The following CDC42BPA variants were observed in gnomAD, a reference collection of about 807,000 sequenced individuals.
The protein encoded by CDC42BPA is serine/threonine-protein kinase MRCK alpha.
In CDC42BPA, 80 loss-of-function variants were observed where a neutral mutation model predicts 223.5. The observed-to-expected ratio is 0.36, with a 90% confidence interval of 0.30 to 0.43. The LOEUF is 0.43. Among genes scored for constraint, CDC42BPA ranks in the 20% least tolerant of loss-of-function variants. The probability of loss-of-function intolerance (pLI) is 1.00; values close to 1 mark genes in which losing one functional copy is unlikely to be tolerated. For missense variants in CDC42BPA, 1,743 were observed against 2,099.9 expected (o/e 0.83, Z 3.32); for synonymous variants, 694 against 718.6 (o/e 0.97, Z 0.55).
In CDC42BPA at chr1:227,040,184, T is replaced by C. The variant is rs2148756184; in HGVS notation, c.3146A>G (p.His1049Arg). ...VKSFTTPTKC[H>R]QCTSLMVGLI... ...ACCCACCATCAAGGAGGTACACTGA[T>C]GACACTTGGTAGGAGTAGTAAAAGA... Residue 1049 changes from histidine (H) to arginine (R), a missense_variant, in exon 24 of 37, where the codon CAT becomes CGT. His to Arg is a conservative substitution (Grantham distance 29). Coordinates refer to ENST00000366766, the MANE Select transcript of CDC42BPA (RefSeq NM_001394014.1). The C allele has an allele frequency of 6.2e-7, 1 of 1,613,422 alleles. No homozygotes were observed.
intron 1 of CDC42BPA, among the ~76,000 whole-genome samples, chr1:227,307,453 T>C (rs1284906572): frequency 6.6e-6 from 1 of 152,184 alleles, no homozygotes; most frequent in Non-Finnish European, 1.5e-5. Context: ...TCCCAAACTC[T>C]GTCAGCTGTT....
At chr1:227,123,854 A>C (rs781646137) in intron 11 of CDC42BPA, among the ~76,000 whole-genome samples, 2 of 152,066 alleles carry the variant, frequency 1.3e-5, no homozygotes, top group Non-Finnish European at 2.9e-5. Flanking sequence ...AGAGAGAGAG[A>C]GAGTGTGTGT....
intron 1 of CDC42BPA, among the ~76,000 whole-genome samples, chr1:227,264,137 T>C (rs1177226641): frequency 3.9e-5 from 6 of 152,264 alleles, no homozygotes; most frequent in Admixed American, 6.5e-5. Context: ...CACAGGTTTA[T>C]AGACTTTTGC....
rs1048349444 is a variant in CDC42BPA at position 227,273,870 on chromosome 1, A to C, written c.179-19715T>G. Among the ~76,000 whole-genome samples, 280 of 151,552 alleles carry C rather than the reference A, an allele frequency of 1.8e-3. 3 individuals carry two copies. The highest frequency in any genetic ancestry group is 5.8e-3 in the African/African-American group (241 of 41,360). ...GGAAGAAACAAGGAAAAAAAAAAAAAAAACACAAATAACCCAAAGCTCTTG... is the reference window on the plus strand; with the variant it reads ...GGAAGAAACAAGGAAAAAAAAAAAACAAACACAAATAACCCAAAGCTCTTG... On this transcript the variant is annotated intron_variant, in intron 1 of 36. Transcript: ENST00000366766.
intron 1 of CDC42BPA, among the ~76,000 whole-genome samples, chr1:227,276,135 G>A (rs1193239499): frequency 2.0e-5 from 3 of 151,706 alleles, no homozygotes; most frequent in Non-Finnish European, 4.4e-5. Context: ...CTTCCCGGCC[G>A]CCATCACGTC....
chr1:227,270,003 G>T (rs1685700034), intron 1 of CDC42BPA, among the ~76,000 whole-genome samples: 2 of 152,208 alleles, frequency 1.3e-5, no homozygotes, highest in African/African-American at 4.8e-5. Context: ...CTGTATGTTA[G>T]AATGAAAAAC....
Position 227,307,039 on chromosome 1 carries a change from T to C in CDC42BPA, c.178+9966A>G, listed in dbSNP as rs541810197. Among the ~76,000 whole-genome samples the C allele has an allele frequency of 1.1e-4, 16 of 152,148 alleles. No individual in the cohort carries two copies. The South Asian group carries it at 3.3e-3, about 32-fold the overall frequency. On this transcript the variant is annotated intron_variant, in intron 1 of 36. Transcript: ENST00000366766. ...TATTTCACAGCCATGACAATATCGA[T>C]CCCAAATTCTGTACCAATGGTTAGA...
In CDC42BPA at chr1:227,051,978, G is replaced by A. The variant is rs1375619787; in HGVS notation, c.2912C>T (p.Pro971Leu). 4.4e-6 allele frequency: 6 copies of A among 1,365,220 alleles called. No individual in the cohort carries two copies. Among genetic ancestry groups the A allele is most frequent in the African/African-American group, 3.0e-5 (2 of 67,670 alleles). 84.6% of individuals were successfully genotyped at this position (1,365,220 alleles called of 1,614,324 possible). A position where few individuals can be genotyped will look rare whatever the true frequency, so the allele number is the denominator to read the frequency against. The part of the protein sequence containing the change: ...TDALDQFETD[P>L]VENTYVWNPS... Reference sequence around the variant, plus strand: ...GTTCCATACATATGTGTTCTCAACGGGATCAGTCTAGGAAAATAAGTCGGG... The same window carrying A: ...GTTCCATACATATGTGTTCTCAACGAGATCAGTCTAGGAAAATAAGTCGGG... The change falls in exon 22 of 37, where the codon CCC (proline) becomes CTC (leucine). Residue 971 changes from proline (P) to leucine (L), a missense_variant. Physicochemically the swap from Pro to Leu is moderately conservative, Grantham distance 98. Transcript: ENST00000366766.
chr1:227,146,170 C>T (rs532604202), intron 7 of CDC42BPA, among the ~76,000 whole-genome samples: 5 of 152,102 alleles, frequency 3.3e-5, no homozygotes, highest in Admixed American at 2.6e-4. Flanking sequence ...ACTCATTTAA[C>T]CCTCAAAACA....
intron 1 of CDC42BPA, among the ~76,000 whole-genome samples, chr1:227,297,095 TA>T (rs1410880819): frequency 6.6e-6 from 1 of 152,186 alleles, no homozygotes; most frequent in Non-Finnish European, 1.5e-5. Context: ...AAAACTTTTC[TA>T]AAAATAGTCT....
intron 34 of CDC42BPA, among the ~76,000 whole-genome samples, chr1:227,012,080 C>G (rs1419242006): frequency 6.6e-6 from 1 of 152,150 alleles, no homozygotes; most frequent in Non-Finnish European, 1.5e-5. Context: ...TCAGTACCCT[C>G]TGAGGTTGTA....
At chr1:227,284,964 CAA>C (rs67192689) in intron 1 of CDC42BPA, among the ~76,000 whole-genome samples, 3 of 144,164 alleles carry the variant, frequency 2.1e-5, no homozygotes, top group Non-Finnish European at 1.5e-5. Context: ...CCCCATCTCA[CAA>C]AAAAAAAAAA....
At chr1:227,278,012 G>A (rs759442035) in intron 1 of CDC42BPA, among the ~76,000 whole-genome samples, 1 of 152,198 alleles carries the variant, frequency 6.6e-6, no homozygotes, top group Admixed American at 6.5e-5. Flanking sequence ...GCCTTCCTAA[G>A]TGCTGGGATT....
rs1376045749 is a variant in CDC42BPA at position 226,994,438 on chromosome 1, G to C, written c.5134-39C>G. ...AGTAAAACATTAATGAGAAGGAGGG[G>C]GAGAAAGGGAGGCAGAAGGGGCTCA... On this transcript the variant is annotated intron_variant, in intron 36 of 36. Coordinates refer to ENST00000366766, the MANE Select transcript of CDC42BPA (RefSeq NM_001394014.1). The surrounding 1 kb of genome is among the most constrained non-coding windows in gnomAD (Gnocchi z 4.0). 2 of 1,456,518 alleles carry C rather than the reference G, an allele frequency of 1.4e-6. No homozygotes were observed. The highest frequency in any genetic ancestry group is 2.9e-5 in the South Asian group (2 of 68,998). 90.2% of individuals were successfully genotyped at this position (1,456,518 alleles called of 1,614,324 possible).
At chr1:226,997,784 GTTCTAA>G (rs1455400196) in intron 35 of CDC42BPA, among the ~76,000 whole-genome samples, 1 of 152,138 alleles carries the variant, frequency 6.6e-6, no homozygotes, top group African/African-American at 2.4e-5. Context: ...TTAATCCTGA[GTTCTAA>G]TTTGATTGCA....
chr1:227,087,390 C>CCTCAT (rs150846213), intron 16 of CDC42BPA, among the ~76,000 whole-genome samples: 2 of 151,762 alleles, frequency 1.3e-5, no homozygotes, highest in Admixed American at 6.6e-5. Context: ...TTTTTGGACT[C>CCTCAT]TTCGTTTCAT....
chr1:227,185,668 G>A (rs964729124), intron 5 of CDC42BPA, among the ~76,000 whole-genome samples: 5 of 152,042 alleles, frequency 3.3e-5, no homozygotes, highest in African/African-American at 9.7e-5. Flanking sequence ...TCTCTGTAGA[G>A]GCGAGCTTTT....
rs749271380 is a variant in CDC42BPA, at chr1:227,072,328, T to C, written c.2736-29A>G. 3.0e-6 allele frequency: 4 copies of C among 1,343,620 alleles called. No homozygotes were observed. The South Asian group carries it at 4.8e-5, about 16-fold the overall frequency. The allele number at this position is 1,343,620 out of a possible 1,614,324, so 83.2% of individuals were successfully genotyped here. A position where few individuals can be genotyped will look rare whatever the true frequency, so the allele number is the denominator to read the frequency against. ...AAATAAGGAGAAAAAAGGAAAAATG[T>C]CATTAATTTTTATTGCTGGTTAGTG... is the stretch of plus-strand genomic sequence containing the variant. On this transcript the variant is annotated intron_variant, in intron 19 of 36. Coordinates refer to ENST00000366766, the MANE Select transcript of CDC42BPA (RefSeq NM_001394014.1).
chr1:227,220,403 A>AAT (rs1333258563), intron 2 of CDC42BPA, among the ~76,000 whole-genome samples: 3 of 148,932 alleles, frequency 2.0e-5, no homozygotes, highest in African/African-American at 4.9e-5. Context: ...TATATATAAG[A>AAT]ATATATATAT....
Sources: allele counts gnomAD v4.1 joint callset (sites outside exome capture counted in the v4.1 genomes callset), GRCh38; gene constraint gnomAD v4.1.1; non-coding constraint Gnocchi (gnomAD v3.1); transcripts MANE v1.5; gene names NCBI Gene and HGNC (gene_info 2026-07-23, HGNC 2026-07-21).